Variants in KIF16B observed in about 807,000 individuals in gnomAD.
The protein encoded by KIF16B is kinesin family member 16B, also known as kinesin-like protein KIF16B.
Under a neutral mutation model 156.3 loss-of-function variants are expected in KIF16B, and 98 were observed. That is an observed-to-expected ratio of 0.63 (90% CI 0.53 to 0.74). The LOEUF is 0.74. Among genes scored for constraint, KIF16B ranks in the 30% least tolerant of loss-of-function variants. The probability of loss-of-function intolerance (pLI) is 0.00; values close to 1 mark genes in which losing one functional copy is unlikely to be tolerated. For synonymous variants in KIF16B, 564 were observed against 583.7 expected, an observed-to-expected ratio of 0.97 and a Z score of 0.49; for missense variants, 1,421 against 1,606.5, an observed-to-expected ratio of 0.88 and a Z score of 1.97.
chr20:16,378,132 A>G (rs1406784594), intron 19 of KIF16B, among the ~76,000 whole-genome samples: 2 of 152,204 alleles, frequency 1.3e-5, no homozygotes, highest in Non-Finnish European at 2.9e-5. Flanking sequence ...AGAAATCAGT[A>G]GCCTGTATGC....
At chr20:16,390,459 T>C (rs911062080) in intron 17 of KIF16B, among the ~76,000 whole-genome samples, 1 of 152,040 alleles carries the variant, frequency 6.6e-6, no homozygotes, top group Non-Finnish European at 1.5e-5. Flanking sequence ...ACACTTGAAA[T>C]AGATCATACA....
chr20:16,278,941 G>A (rs1263730757), intron 25 of KIF16B, among the ~76,000 whole-genome samples: 2 of 152,158 alleles, frequency 1.3e-5, no homozygotes, highest in Admixed American at 6.5e-5. Flanking sequence ...TGCTTTCGTG[G>A]GGACCAGCAG....
At chr20:16,473,288 C>T (rs1053232560) in intron 12 of KIF16B, among the ~76,000 whole-genome samples, 1 of 152,132 alleles carries the variant, frequency 6.6e-6, no homozygotes, top group Non-Finnish European at 1.5e-5. Context: ...TATAAACAGG[C>T]CTGCTAAATT....
intron 24 of KIF16B, among the ~76,000 whole-genome samples, chr20:16,327,340 T>A (rs1285877171): frequency 6.6e-6 from 1 of 151,810 alleles, no homozygotes; most frequent in Non-Finnish European, 1.5e-5. Context: ...TTGGGTACAG[T>A]TTACACTGCT....
chr20:16,477,412 G>T (rs1441605176), intron 12 of KIF16B, among the ~76,000 whole-genome samples: 3 of 152,146 alleles, frequency 2.0e-5, no homozygotes, highest in South Asian at 2.1e-4. Context: ...AACAAACAAG[G>T]TTTGCATTGA....
chr20:16,511,431 G>GC lies in KIF16B; in HGVS notation c.542dup (p.Tyr183LeufsTer3). 6.3e-7 allele frequency: 1 copy of GC among 1,590,518 alleles called. No homozygotes were observed. The highest frequency in any genetic ancestry group is 8.6e-7 in the Non-Finnish European group (1 of 1,161,804). Reference sequence around the variant, plus strand: ...ATCTACTCTTACCCTCAACATAAGGGCCTTCTTTGGGATGCTCACGGACTC... The same window carrying GC: ...ATCTACTCTTACCCTCAACATAAGGGCCCTTCTTTGGGATGCTCACGGACTC... On this transcript the variant is annotated frameshift_variant, in exon 6 of 26. Transcript: ENST00000354981. LOFTEE classifies it high-confidence loss of function.
chr20:16,501,833 A>G (rs2068634944), intron 10 of KIF16B, among the ~76,000 whole-genome samples: 1 of 152,172 alleles, frequency 6.6e-6, no homozygotes, highest in Non-Finnish European at 1.5e-5. Context: ...AGGTCAGGAG[A>G]GTGGCTACCC....
At position 16,490,228 on chromosome 20, in the gene KIF16B, G is replaced by A. The variant is rs1286043634; in HGVS notation, c.1302+4063C>T. ...AAGGGGATTAAAATGAGGTTATTAG[G>A]ATGGGTCCTAATCCAATCTGACTGG... On this transcript the variant is annotated intron_variant, in intron 12 of 25. Coordinates refer to ENST00000354981, the MANE Select transcript of KIF16B (RefSeq NM_024704.5). Among the ~76,000 whole-genome samples the A allele has an allele frequency of 4.6e-5, 7 of 152,040 alleles. No homozygotes were observed. In the South Asian group the frequency reaches 1.2e-3, roughly 27 times the overall value.
In KIF16B at chr20:16,508,096, T is replaced by C. The variant is rs2068843110; in HGVS notation, c.561A>G (p.Leu187=). The C allele has an allele frequency of 6.2e-7, 1 of 1,613,690 alleles. No homozygotes were observed. The highest frequency in any genetic ancestry group is 2.2e-5 in the East Asian group (1 of 44,874). Residue 187 remains leucine, a synonymous_variant, in exon 7 of 26, where the codon TTA becomes TTG. Coordinates refer to ENST00000354981, the MANE Select transcript of KIF16B (RefSeq NM_024704.5). Reference sequence around the variant, plus strand: ...CATAATTCTGTACTAAATGTTTGGATAAATCTGAAAAAGAAAATGGAAGGG... The same window carrying C: ...CATAATTCTGTACTAAATGTTTGGACAAATCTGAAAAAGAAAATGGAAGGG... ...HPKEGPYVED[L]SKHLVQNYGD... is the part of the protein sequence containing the mutation.
At position 16,272,854 on chromosome 20, in the gene KIF16B, C is replaced by T. The variant is rs2063002350; in HGVS notation, c.*399G>A. The T allele has an allele frequency of 6.3e-6, 1 of 159,536 alleles. No individual in the cohort carries two copies. The highest frequency in any genetic ancestry group is 1.4e-5 in the Non-Finnish European group (1 of 73,316). The allele number at this position is 159,536 out of a possible 1,614,324, so 9.9% of individuals were successfully genotyped here. A position where few individuals can be genotyped will look rare whatever the true frequency, so the allele number is the denominator to read the frequency against. The stretch of plus-strand genomic sequence containing the variant: ...AGTATATTTTGGTGAAAGAGGAAAC[C>T]AGATGAAAGTCATTTAAGGGTGGTC... On this transcript the variant is annotated 3_prime_UTR_variant, in exon 26 of 26. Transcript: ENST00000354981.
At chr20:16,508,643 G>C (rs912035153) in intron 6 of KIF16B, among the ~76,000 whole-genome samples, 1 of 152,132 alleles carries the variant, frequency 6.6e-6, no homozygotes, top group African/African-American at 2.4e-5. Flanking sequence ...AGTAACGCTT[G>C]CTCCCTGGCT....
At chr20:16,468,484 G>A (rs1293959610) in intron 12 of KIF16B, among the ~76,000 whole-genome samples, 3 of 148,326 alleles carry the variant, frequency 2.0e-5, no homozygotes, top group Non-Finnish European at 4.4e-5. Flanking sequence ...GCTGAGGTAG[G>A]AGAATTGCTG....
At chr20:16,512,999 C>T in intron 4 of KIF16B, 76 bp from the exon 5 acceptor site, 1 of 1,115,388 alleles carries the variant, frequency 9.0e-7, no homozygotes, top group South Asian at 1.3e-5. Context: ...AATTTGCTGG[C>T]ATGAAGTTAG....
At chr20:16,357,046 G>C (rs1600199780) in intron 22 of KIF16B, among the ~76,000 whole-genome samples, 1 of 152,162 alleles carries the variant, frequency 6.6e-6, no homozygotes, top group African/African-American at 2.4e-5. Context: ...CTGGGCAGTG[G>C]GGGACTAGTG....
Position 16,404,824 on chromosome 20 carries a change from C to T in KIF16B, c.1773G>A (p.Leu591=), listed in dbSNP as rs748815295. Residue 591 remains leucine (L), a synonymous_variant, in exon 17 of 26, where the codon TTG becomes TTA. Transcript: ENST00000354981. ...KSRENLSAVM[L]YNPGLEFERQ... ...TGCTGTTCACTCACCCGGGGTTATA[C>T]AACATGACTGCAGACAGGTTCTCAC... 6.2e-7 allele frequency: 1 copy of T among 1,612,682 alleles called. No individual in the cohort carries two copies. The highest frequency in any genetic ancestry group is 1.3e-5 in the African/African-American group (1 of 74,844).
intron 12 of KIF16B, among the ~76,000 whole-genome samples, chr20:16,439,198 A>G (rs778572724): frequency 3.9e-5 from 6 of 151,984 alleles, no homozygotes; most frequent in African/African-American, 4.8e-5. Flanking sequence ...ATCATCCACA[A>G]CTTTCCATCT....
At chr20:16,503,507 AG>A in intron 10 of KIF16B, among the ~76,000 whole-genome samples, 1 of 152,332 alleles carries the variant, frequency 6.6e-6, no homozygotes, top group African/African-American at 2.4e-5. Context: ...AAGAGCTTCA[AG>A]TGCCACATAA....
At chr20:16,363,645 G>A (rs1033788662) in intron 22 of KIF16B, among the ~76,000 whole-genome samples, 1 of 152,130 alleles carries the variant, frequency 6.6e-6, no homozygotes, top group South Asian at 2.1e-4. Flanking sequence ...AAGGCTTGCA[G>A]GACTGCCCTT....
intron 2 of KIF16B, 21 bp from the exon 3 acceptor site, chr20:16,526,226 T>A (rs1357800820): frequency 7.3e-7 from 1 of 1,372,846 alleles, no homozygotes; most frequent in African/African-American, 1.5e-5. Context: ...ATGATTAGAA[T>A]AATAATGATA....
Sources: allele counts gnomAD v4.1 joint callset (sites outside exome capture counted in the v4.1 genomes callset), GRCh38; gene constraint gnomAD v4.1.1; transcripts MANE v1.5; gene names NCBI Gene and HGNC (gene_info 2026-07-23, HGNC 2026-07-21).